Variants in SPTBN5 observed in about 807,000 individuals in gnomAD.
SPTBN5 encodes the protein spectrin beta, non-erythrocytic 5, also known as spectrin beta chain, non-erythrocytic 5.
SPTBN5 carries 513 observed loss-of-function variants against 477.6 expected under a neutral mutation model. That is an observed-to-expected ratio of 1.07 (90% confidence interval 1.00 to 1.16). The LOEUF is 1.16. SPTBN5 is among the 50% of genes most tolerant of loss of function. The pLI is 0.00. For synonymous variants in SPTBN5, 2,169 were observed against 2,011.7 expected, an observed-to-expected ratio of 1.08 and a Z score of -2.09; for missense variants, 5,062 against 4,731.8, an observed-to-expected ratio of 1.07 and a Z score of -2.05.
intron 47 of SPTBN5, among the ~76,000 whole-genome samples, chr15:41,859,306 A>G (rs532239543): frequency 1.1e-4 from 16 of 152,058 alleles, no homozygotes; most frequent in Non-Finnish European, 2.4e-4. Context: ...CTATAGGCTC[A>G]CACCTCCAGG....
chr15:41,871,228 T>C (rs2066522899), intron 29 of SPTBN5, 147 bp downstream of exon 29: 1 of 971,060 alleles, frequency 1.0e-6, no homozygotes, highest in East Asian at 3.3e-5. Context: ...GCTCAGCTTC[T>C]CTGGAGCTAG....
At chr15:41,853,859 C>G in intron 57 of SPTBN5, 72 bp from the exon 58 acceptor site, 2 of 1,453,320 alleles carry the variant, frequency 1.4e-6, no homozygotes, top group East Asian at 2.5e-5. Flanking sequence ...TCAGGAGCAC[C>G]AGGCCTCTCT....
chr15:41,855,839 T>C, intron 53 of SPTBN5, 94 bp from the exon 54 acceptor site: 2 of 1,334,446 alleles, frequency 1.5e-6, no homozygotes, highest in Non-Finnish European at 2.0e-6. Flanking sequence ...CACAGGGGAA[T>C]CACCTGGGAG....
rs1022974707 is a variant in SPTBN5 at position 41,848,514 on chromosome 15, C to A, written c.*102G>T. On this transcript the variant is annotated 3_prime_UTR_variant, in exon 68 of 68. Transcript: ENST00000320955. ...GGCCTGGGGAACTGGGTTGAAGCAG[C>A]CACGGGAAGGAGCCCTTTTGCCTGT... 2.8e-6 allele frequency: 4 copies of A among 1,416,956 alleles called. No individual in the cohort carries two copies. Among genetic ancestry groups the A allele is most frequent in the Non-Finnish European group, 4.0e-6 (4 of 1,001,112 alleles). 87.8% of individuals were successfully genotyped at this position (1,416,956 alleles called of 1,614,324 possible).
rs1029033983 is a variant in SPTBN5, at chr15:41,882,577, G to T, written c.2046+8C>A. The T allele has an allele frequency of 2.6e-5, 41 of 1,592,942 alleles. No individual in the cohort carries two copies. The highest frequency in any genetic ancestry group is 3.5e-5 in the Non-Finnish European group (41 of 1,171,634). ...GGCGACCGGCGGGCGCGCTCGGGGA[G>T]CTGACACCTTGTGTTTCTGCAGGGC... is the stretch of plus-strand genomic sequence containing the variant. On this transcript the variant is annotated splice_region_variant and intron_variant, in intron 10 of 67. Coordinates refer to ENST00000320955, the MANE Select transcript of SPTBN5 (RefSeq NM_016642.4).
Position 41,853,643 on chromosome 15 carries a change from C to T in SPTBN5, c.9919G>A (p.Gly3307Ser), listed in dbSNP as rs1197169992. The change falls in exon 58 of 68, where the codon GGC becomes AGC. Residue 3307 changes from glycine to serine, a missense_variant. Physicochemically the swap from Gly to Ser is moderately conservative, Grantham distance 56 (BLOSUM62 0). Transcript: ENST00000320955. Reference protein sequence around the residue: ...ATLQAKAQERGQWLAQAAQGH... With the variant: ...ATLQAKAQERSQWLAQAAQGH... ...TGTGCAGCCTGCGCCAGCCACTGGC[C>T]TCGCTCCTGGGCCTTCGCCTGCAGG... is the stretch of plus-strand genomic sequence containing the variant. 1.3e-6 allele frequency: 2 copies of T among 1,594,664 alleles called. No individual in the cohort carries two copies. The highest frequency in any genetic ancestry group is 1.7e-6 in the Non-Finnish European group (2 of 1,171,266).
chr15:41,881,244 A>G lies in SPTBN5; in HGVS notation c.2458-10T>C. 1 of 1,596,368 alleles carries G rather than the reference A, an allele frequency of 6.3e-7. No homozygotes were observed. Among genetic ancestry groups the G allele is most frequent in the East Asian group, 2.2e-5 (1 of 44,700 alleles). On this transcript the variant is annotated splice_polypyrimidine_tract_variant and intron_variant, in intron 12 of 67. Transcript: ENST00000320955. ...TCAGGGCAGAGTTCACCTGTGTGAC[A>G]AAGGGCAGCGCGTCTACAGGCGACC... is the stretch of plus-strand genomic sequence containing the variant.
rs531509836 is a variant in SPTBN5, at chr15:41,873,562, C to T, written c.4937G>A (p.Arg1646Gln). 2.3e-5 allele frequency: 35 copies of T among 1,552,222 alleles called. No homozygotes were observed. The highest frequency in any genetic ancestry group is 1.7e-4 in the Middle Eastern group (1 of 5,994). Reference protein sequence around the residue: ...SELEGWVEEKRPLVSSRDYGR... With the variant: ...SELEGWVEEKQPLVSSRDYGR... The stretch of plus-strand genomic sequence containing the variant: ...ATAGTCCCGACTGCTCACCAGCGGC[C>T]GCTTCTCCTCCACCCAGCCCTCCAG... Residue 1646 changes from arginine (R) to glutamine (Q), a missense_variant, in exon 26 of 68, where the codon CGG (arginine) becomes CAG (glutamine). Physicochemically the swap from Arg to Gln is conservative, Grantham distance 43 (BLOSUM62 1). Coordinates refer to ENST00000320955, the MANE Select transcript of SPTBN5 (RefSeq NM_016642.4).
intron 61 of SPTBN5, 84 bp from the exon 62 acceptor site, chr15:41,852,400 C>T: frequency 1.4e-6 from 2 of 1,481,108 alleles, no homozygotes; most frequent in South Asian, 2.7e-5. Context: ...TCCCCTCCCC[C>T]AGCCCTCCCG....
At chr15:41,855,917 G>C (rs371901375) in intron 53 of SPTBN5, among the ~76,000 whole-genome samples, 172 bp from the exon 54 acceptor site, 1 of 152,236 alleles carries the variant, frequency 6.6e-6, no homozygotes. Flanking sequence ...CAGCCAGAGC[G>C]GCAGTGTTTT....
chr15:41,852,400 C>G, intron 61 of SPTBN5, 84 bp from the exon 62 acceptor site: 1 of 1,481,108 alleles, frequency 6.8e-7, no homozygotes, highest in South Asian at 1.3e-5. Flanking sequence ...TCCCCTCCCC[C>G]AGCCCTCCCG....
rs575566979 is a variant in SPTBN5 at position 41,876,675 on chromosome 15, G to A, written c.3852-28C>T. The A allele has an allele frequency of 1.1e-4, 167 of 1,549,556 alleles. 2 individuals are homozygous for A. In the South Asian group the frequency reaches 1.8e-3, roughly 17 times the overall value. On this transcript the variant is annotated intron_variant, in intron 19 of 67. Transcript: ENST00000320955. The stretch of plus-strand genomic sequence containing the variant: ...GGAGGGCGGGGGGGGGTTGGAGGAG[G>A]GCATGGGAGAGGACTCCCACCCCAG...
chr15:41,870,802 T>C (rs1251079925), intron 29 of SPTBN5, among the ~76,000 whole-genome samples: 1 of 152,240 alleles, frequency 6.6e-6, no homozygotes, highest in African/African-American at 2.4e-5. Flanking sequence ...CTGCATGGTA[T>C]CTGTGCTGTG....
intron 1 of SPTBN5, 136 bp from the exon 2 acceptor site, chr15:41,893,682 G>T: frequency 1.8e-6 from 2 of 1,114,820 alleles, no homozygotes; most frequent in Non-Finnish European, 2.5e-6. Context: ...AAGGGCCAGT[G>T]CTTCTGGTCC....
intron 56 of SPTBN5, among the ~76,000 whole-genome samples, 167 bp from the exon 57 acceptor site, chr15:41,854,372 C>T (rs1020571667): frequency 1.3e-4 from 17 of 126,508 alleles, no homozygotes; most frequent in Middle Eastern, 3.9e-3. Context: ...CCTCAGTGAA[C>T]GTGATGATAT....
In SPTBN5 at chr15:41,882,459, G is replaced by A. The variant is rs2066997917; in HGVS notation, c.2057C>T (p.Ala686Val). ...CACGGCCTGGTGGCGGTGGACCTCA[G>A]CTTCCAGGGCCTAGCGGGGGGCAGA... ...GALQKHKALE[A>V]EVHRHQAVCV... Residue 686 changes from alanine (A) to valine (V), a missense_variant, in exon 11 of 68, where the codon GCT becomes GTT. Physicochemically the swap from Ala to Val is moderately conservative, Grantham distance 64. Coordinates refer to ENST00000320955, the MANE Select transcript of SPTBN5 (RefSeq NM_016642.4). The A allele has an allele frequency of 6.4e-7, 1 of 1,553,640 alleles. No individual in the cohort carries two copies.
intron 26 of SPTBN5, among the ~76,000 whole-genome samples, chr15:41,873,168 G>T (rs909611315): frequency 6.6e-6 from 1 of 152,206 alleles, no homozygotes; most frequent in African/African-American, 2.4e-5. Context: ...TGTGGAGCGG[G>T]CTGGGCAGGT....
Position 41,857,305 on chromosome 15 carries a change from C to G in SPTBN5, c.8554G>C (p.Ala2852Pro). Residue 2852 changes from alanine (A) to proline (P), a missense_variant, in exon 51 of 68, where the codon GCC (alanine) becomes CCC (proline). Coordinates refer to ENST00000320955, the MANE Select transcript of SPTBN5 (RefSeq NM_016642.4). ...QAEALLGQAQ[A>P]FVREGHCLAQ... ...AGGCAGTGGCCTTCCCTCACAAAGGCCTGGGCCTGGCCCAGCAGTGCCTCA... is the reference window on the plus strand; with the variant it reads ...AGGCAGTGGCCTTCCCTCACAAAGGGCTGGGCCTGGCCCAGCAGTGCCTCA... 6.4e-7 allele frequency: 1 copy of G among 1,569,834 alleles called. No homozygotes were observed. Among genetic ancestry groups the G allele is most frequent in the South Asian group, 1.2e-5 (1 of 85,552 alleles).
intron 21 of SPTBN5, 89 bp downstream of exon 21, chr15:41,876,025 C>A: frequency 6.7e-7 from 1 of 1,481,768 alleles, no homozygotes; most frequent in Non-Finnish European, 9.1e-7. Flanking sequence ...ATTTTTCCTT[C>A]AAAGACTCTT....
Sources: allele counts gnomAD v4.1 joint callset (sites outside exome capture counted in the v4.1 genomes callset), GRCh38; gene constraint gnomAD v4.1.1; transcripts MANE v1.5; gene names NCBI Gene and HGNC (gene_info 2026-07-23, HGNC 2026-07-21).